Variants in KCNJ6 observed in about 807,000 individuals in gnomAD.
KCNJ6 encodes G protein-activated inward rectifier potassium channel 2.
A neutral mutation model predicts 34.2 loss-of-function variants in KCNJ6; 9 were observed. The ratio of observed to expected loss-of-function variants is 0.26; its 90% CI spans 0.16 to 0.46. The LOEUF is 0.46. KCNJ6 is among the 20% of genes least tolerant of loss of function. The pLI is 1.00. For synonymous variants in KCNJ6, 196 were observed against 207.1 expected (o/e 0.95, Z 0.46); for missense variants, 236 against 531.3 (o/e 0.44, Z 5.46).
rs369376555 is a variant in KCNJ6 at position 37,613,999 on chromosome 21, G to A, written c.*11160C>T. 7 of 152,308 alleles carry A rather than the reference G, an allele frequency of 4.6e-5. No homozygotes were observed. The East Asian group carries it at 1.3e-3, about 29-fold the overall frequency. The allele number at this position is 152,308 out of a possible 1,614,324, so 9.4% of individuals were successfully genotyped here. A position where few individuals can be genotyped will look rare whatever the true frequency, so the allele number is the denominator to read the frequency against. On this transcript the variant is annotated 3_prime_UTR_variant, in exon 4 of 4. Coordinates refer to ENST00000609713, the MANE Select transcript of KCNJ6 (RefSeq NM_002240.5). ...CTCGTGGGGGCGGCCATGCATGCGG[G>A]GGCCGGGGGTAAATGAGAGCTCTTG...
intron 1 of KCNJ6, among the ~76,000 whole-genome samples, chr21:37,881,492 AG>A (rs2055708228): frequency 6.6e-6 from 1 of 151,926 alleles, no homozygotes; most frequent in Non-Finnish European, 1.5e-5. Context: ...AGAGAGAGAG[AG>A]AAAGTGCTCT....
intron 3 of KCNJ6, among the ~76,000 whole-genome samples, chr21:37,660,148 G>A (rs184346085): frequency 6.6e-6 from 1 of 152,210 alleles, no homozygotes; most frequent in African/African-American, 2.4e-5. Context: ...CTCACGTGCA[G>A]AGCTCACTGT....
At chr21:37,877,879 G>T (rs973208698) in intron 1 of KCNJ6, among the ~76,000 whole-genome samples, 2 of 152,246 alleles carry the variant, frequency 1.3e-5, no homozygotes, top group African/African-American at 4.8e-5. Flanking sequence ...GCGCATGCCG[G>T]AAGTTCATAC....
intron 3 of KCNJ6, among the ~76,000 whole-genome samples, chr21:37,633,799 A>T (rs960170974): frequency 3.9e-5 from 6 of 152,160 alleles, no homozygotes; most frequent in Non-Finnish European, 8.8e-5. Context: ...GGGAGACAGT[A>T]AGGAAGATTT....
In KCNJ6 at chr21:37,825,009, G is replaced by A. The variant is rs148877190; in HGVS notation, c.25+15649C>T. ...GCCGGCATCTGTAAGTCTCTGTTCT[G>A]TCTGCATGCCAACTCCTTCCCTGTG... On this transcript the variant is annotated intron_variant, in intron 2 of 3. Transcript: ENST00000609713. 1.8e-3 allele frequency among the ~76,000 whole-genome samples: 267 copies of A among 152,204 alleles called. 1 individual carries two copies. Among genetic ancestry groups the A allele is most frequent in the African/African-American group, 6.3e-3 (262 of 41,534 alleles).
At chr21:37,651,503 T>A (rs2123388001) in intron 3 of KCNJ6, among the ~76,000 whole-genome samples, 1 of 152,142 alleles carries the variant, frequency 6.6e-6, no homozygotes, top group East Asian at 1.9e-4. Context: ...CCCAGTGGTC[T>A]GGGCAAGGGA....
In KCNJ6 at chr21:37,750,717, C is replaced by G. The variant is rs553668815; in HGVS notation, c.26-35586G>C. Reference sequence around the variant, plus strand: ...GACACAGGGAGGGGAACATCACACTCCAGGGCCTGTCTAGGGTGGGGGGCT... The same window carrying G: ...GACACAGGGAGGGGAACATCACACTGCAGGGCCTGTCTAGGGTGGGGGGCT... On this transcript the variant is annotated intron_variant, in intron 2 of 3. Transcript: ENST00000609713. Among the ~76,000 whole-genome samples, 17 of 152,146 alleles carry G rather than the reference C, an allele frequency of 1.1e-4. No individual in the cohort carries two copies. In the South Asian group the frequency reaches 3.3e-3, roughly 30 times the overall value.
At chr21:37,824,466 G>A (rs1028307229) in intron 2 of KCNJ6, among the ~76,000 whole-genome samples, 1 of 151,730 alleles carries the variant, frequency 6.6e-6, no homozygotes, top group African/African-American at 2.4e-5. Flanking sequence ...CAGGTGTAGG[G>A]GGTGGGGGGC....
At chr21:37,651,042 G>GAGGCT (rs1437678441) in intron 3 of KCNJ6, among the ~76,000 whole-genome samples, 1 of 152,150 alleles carries the variant, frequency 6.6e-6, no homozygotes, top group East Asian at 1.9e-4. Flanking sequence ...AAAACTTATC[G>GAGGCT]AGGCTAGGGA....
chr21:37,900,760 A>G (rs1234804556), intron 1 of KCNJ6, among the ~76,000 whole-genome samples: 5 of 152,194 alleles, frequency 3.3e-5, no homozygotes, highest in Admixed American at 1.3e-4. Flanking sequence ...AGTATCCATC[A>G]TGTTAGAGAA....
intron 3 of KCNJ6, among the ~76,000 whole-genome samples, chr21:37,692,667 A>G (rs1394042218): frequency 1.3e-5 from 2 of 152,170 alleles, no homozygotes; most frequent in African/African-American, 2.4e-5. Flanking sequence ...CTGGCTTTGG[A>G]GTGAATCAGG....
chr21:37,849,559 C>G (rs994175850), intron 1 of KCNJ6, among the ~76,000 whole-genome samples: 2 of 152,196 alleles, frequency 1.3e-5, no homozygotes, highest in African/African-American at 4.8e-5. Flanking sequence ...CCCAGCTCCC[C>G]GCATTCCATG....
chr21:37,889,720 A>C (rs1014328529), intron 1 of KCNJ6, among the ~76,000 whole-genome samples: 4 of 152,210 alleles, frequency 2.6e-5, no homozygotes, highest in Admixed American at 6.5e-5. Context: ...AACCCTTGGC[A>C]TTCCTTGATG....
At chr21:37,906,803 T>C (rs2055843931) in intron 1 of KCNJ6, among the ~76,000 whole-genome samples, 3 of 152,170 alleles carry the variant, frequency 2.0e-5, no homozygotes, top group Admixed American at 2.0e-4. Context: ...CATAATGTCA[T>C]AGGTTCTTTA....
At chr21:37,815,793 A>C (rs1280476268) in intron 2 of KCNJ6, among the ~76,000 whole-genome samples, 1 of 152,204 alleles carries the variant, frequency 6.6e-6, no homozygotes, top group Non-Finnish European at 1.5e-5. Flanking sequence ...AGGCTGATAA[A>C]AGCTTTGAGC....
chr21:37,846,582 T>C lies in KCNJ6; in HGVS notation c.-27-5873A>G, dbSNP rs374457607. On this transcript the variant is annotated intron_variant, in intron 1 of 3. Transcript: ENST00000609713. ...TGCCTTGCTTTCTGCTACCCAGAAGTAGGCTTTTAAGGATGAGGGGGAAAC... is the reference window on the plus strand; with the variant it reads ...TGCCTTGCTTTCTGCTACCCAGAAGCAGGCTTTTAAGGATGAGGGGGAAAC... Among the ~76,000 whole-genome samples the C allele has an allele frequency of 7.2e-5, 11 of 152,140 alleles. No homozygotes were observed. The East Asian group carries it at 1.2e-3, about 16-fold the overall frequency.
At position 37,623,457 on chromosome 21, in the gene KCNJ6, T is replaced by C. The variant is rs2054297284; in HGVS notation, c.*1702A>G. 1 of 152,222 alleles carries C rather than the reference T, an allele frequency of 6.6e-6. No individual in the cohort carries two copies. Among genetic ancestry groups the C allele is most frequent in the Non-Finnish European group, 1.5e-5 (1 of 68,038 alleles). 9.4% of individuals were successfully genotyped at this position (152,222 alleles called of 1,614,324 possible). A position where few individuals can be genotyped will look rare whatever the true frequency, so the allele number is the denominator to read the frequency against. The stretch of plus-strand genomic sequence containing the variant: ...AATGAATATTTATGATGGGCAACTG[T>C]GTTAAAGAACAAACAGCTTATAAAT... On this transcript the variant is annotated 3_prime_UTR_variant, in exon 4 of 4. Coordinates refer to ENST00000609713, the MANE Select transcript of KCNJ6 (RefSeq NM_002240.5).
intron 1 of KCNJ6, among the ~76,000 whole-genome samples, chr21:37,903,476 T>A (rs2055826415): frequency 1.3e-5 from 2 of 152,326 alleles, no homozygotes; most frequent in South Asian, 4.1e-4. Flanking sequence ...GTTAGCAGCA[T>A]GAGAATGGAC....
At chr21:37,735,079 C>T (rs2054905955) in intron 2 of KCNJ6, among the ~76,000 whole-genome samples, 1 of 152,120 alleles carries the variant, frequency 6.6e-6, no homozygotes, top group African/African-American at 2.4e-5. Flanking sequence ...TCACTGTCAG[C>T]ATCCCCTATT....
Sources: gnomAD v4.1 joint callset for allele counts (sites outside exome capture counted in the v4.1 genomes callset) on GRCh38, gnomAD v4.1.1 for gene constraint, MANE v1.5 for transcripts, NCBI Gene and HGNC (gene_info 2026-07-23, HGNC 2026-07-21) for gene names.